Variants in PPP1R12B observed in about 807,000 individuals in gnomAD.
The protein encoded by PPP1R12B is myosin phosphatase target subunit 2.
A neutral mutation model predicts 126.1 loss-of-function variants in PPP1R12B; 76 were observed. The ratio of observed to expected loss-of-function variants is 0.60; its 90% CI spans 0.50 to 0.73. PPP1R12B has a LOEUF of 0.73. PPP1R12B is among the 30% of genes least tolerant of loss of function. PPP1R12B has a pLI of 0.00. For synonymous variants in PPP1R12B, 356 were observed against 434.7 expected, an observed-to-expected ratio of 0.82 and a Z score of 2.25; for missense variants, 1,052 against 1,205.1, an observed-to-expected ratio of 0.87 and a Z score of 1.88.
At chr1:202,456,747 C>A (rs1184400416) in intron 13 of PPP1R12B, among the ~76,000 whole-genome samples, 1 of 152,136 alleles carries the variant, frequency 6.6e-6, no homozygotes, top group African/African-American at 2.4e-5. Flanking sequence ...GTTTAGAAAT[C>A]CCAAAAGTCA....
At chr1:202,462,974 G>T in intron 13 of PPP1R12B, 1 of 985,300 alleles carries the variant, frequency 1.0e-6, no homozygotes, top group East Asian at 1.1e-4. Context: ...GTTGATCTGG[G>T]TGTTCTGGGG....
intron 1 of PPP1R12B, among the ~76,000 whole-genome samples, chr1:202,350,092 G>A (rs1050619524): frequency 1.3e-5 from 2 of 152,114 alleles, no homozygotes; most frequent in Non-Finnish European, 2.9e-5. Context: ...GAATGTATTG[G>A]CATGAGAATC....
At chr1:202,421,322 A>C (rs1354057204) in intron 2 of PPP1R12B, among the ~76,000 whole-genome samples, 2 of 147,188 alleles carry the variant, frequency 1.4e-5, no homozygotes, top group East Asian at 3.9e-4. Flanking sequence ...TTTTTTTTTA[A>C]ATCTCCTACA....
At chr1:202,457,028 G>T (rs1351999882) in intron 13 of PPP1R12B, among the ~76,000 whole-genome samples, 5 of 152,162 alleles carry the variant, frequency 3.3e-5, no homozygotes, top group Non-Finnish European at 5.9e-5. Context: ...ATTGGAATAG[G>T]TAACAAGAAT....
chr1:202,354,829 G>GT (rs749699370), intron 1 of PPP1R12B, among the ~76,000 whole-genome samples: 47,832 of 128,552 alleles, frequency 0.37, 8,964 homozygotes, highest in Middle Eastern at 0.49. Flanking sequence ...TTTTTTTGTT[G>GT]TTGTTTTTTT....
intron 18 of PPP1R12B, among the ~76,000 whole-genome samples, chr1:202,538,482 T>G (rs1038012549): frequency 1.4e-4 from 22 of 152,242 alleles, no homozygotes; most frequent in African/African-American, 5.1e-4. Context: ...AGTTGATCAC[T>G]TCCCTTGATT....
At position 202,349,211 on chromosome 1, in the gene PPP1R12B, C is replaced by T. The variant is rs532772349; in HGVS notation, c.291+69C>T. The T allele has an allele frequency of 1.9e-6, 3 of 1,564,816 alleles. No homozygotes were observed. The Admixed American group carries it at 6.0e-5, about 31-fold the overall frequency. On this transcript the variant is annotated intron_variant, in intron 1 of 23. Transcript: ENST00000608999. ...TGAGCCTTTGACCCTGCGAGCCACC[C>T]CATGGGGAGTATCAGTGTTGCCGCC... is the stretch of plus-strand genomic sequence containing the variant.
At chr1:202,580,421 C>T (rs956161433) in intron 23 of PPP1R12B, 53 bp from the exon 24 acceptor site, 8 of 1,478,878 alleles carry the variant, frequency 5.4e-6, no homozygotes, top group Non-Finnish European at 7.6e-6. Flanking sequence ...TCAGGGAGGG[C>T]CAAGGAGGAT....
intron 1 of PPP1R12B, among the ~76,000 whole-genome samples, chr1:202,411,604 T>C (rs984314513): frequency 7.9e-5 from 12 of 151,908 alleles, no homozygotes; most frequent in African/African-American, 1.5e-4. Flanking sequence ...TTTTTTTTTT[T>C]CCCCTTGAGG....
At chr1:202,466,355 A>G (rs1039334039) in intron 13 of PPP1R12B, among the ~76,000 whole-genome samples, 3 of 151,830 alleles carry the variant, frequency 2.0e-5, no homozygotes, top group Non-Finnish European at 4.4e-5. Context: ...AATGTTGACT[A>G]TTGCCTTCCT....
intron 1 of PPP1R12B, among the ~76,000 whole-genome samples, chr1:202,363,160 A>C (rs1353451361): frequency 6.6e-6 from 1 of 152,164 alleles, no homozygotes; most frequent in Non-Finnish European, 1.5e-5. Flanking sequence ...AAACAGTCAA[A>C]TGATCTGTTA....
chr1:202,430,805 T>G lies in PPP1R12B; in HGVS notation c.996T>G (p.Phe332Leu). ...ACAGCAAGATTCAGAGTGGGTTCTT[T>G]AAGAAGTAAGACATTTAGGCTTGAG... ...DLNSKIQSGF[F>L]KNKEKMLYEE... Residue 332 changes from phenylalanine (F) to leucine (L), a missense_variant, in exon 7 of 24, where the codon TTT becomes TTG. Phe to Leu is a conservative substitution (Grantham distance 22). Transcript: ENST00000608999. 1 of 1,612,072 alleles carries G rather than the reference T, an allele frequency of 6.2e-7. No homozygotes were observed. Among genetic ancestry groups the G allele is most frequent in the Non-Finnish European group, 8.5e-7 (1 of 1,178,672 alleles).
At chr1:202,540,387 G>A in intron 18 of PPP1R12B, 1 of 558,072 alleles carries the variant, frequency 1.8e-6, no homozygotes, top group East Asian at 3.4e-5. Context: ...TGCAAGTAAA[G>A]ACCCTGTAAG....
intron 12 of PPP1R12B, chr1:202,443,274 TG>T (rs10709009): frequency 0.028 from 6,883 of 243,620 alleles, 343 homozygotes; most frequent in African/African-American, 0.12. Flanking sequence ...CTGCTGCTAA[TG>T]TGGAAGAATC....
chr1:202,527,515 CAT>C (rs1389902284), intron 18 of PPP1R12B: 5 of 152,124 alleles, frequency 3.3e-5, no homozygotes, highest in Admixed American at 2.6e-4. Context: ...TTAAGATAAA[CAT>C]ATTTAAAATA....
At chr1:202,487,519 C>T (rs183976550) in intron 13 of PPP1R12B, among the ~76,000 whole-genome samples, 1 of 151,920 alleles carries the variant, frequency 6.6e-6, no homozygotes, top group Non-Finnish European at 1.5e-5. Context: ...AAATAAAATT[C>T]TCATTTTACA....
chr1:202,378,667 A>C (rs1661685062), intron 1 of PPP1R12B, among the ~76,000 whole-genome samples: 1 of 152,186 alleles, frequency 6.6e-6, no homozygotes, highest in East Asian at 1.9e-4. Flanking sequence ...TTTAGTAGAG[A>C]TGGGGTTTCA....
chr1:202,501,487 G>A (rs946841336), intron 18 of PPP1R12B, among the ~76,000 whole-genome samples: 11 of 152,198 alleles, frequency 7.2e-5, no homozygotes, highest in Non-Finnish European at 1.5e-4. Context: ...GAGGGCACAA[G>A]TGGTCAACAG....
At chr1:202,446,236 C>CTCTCTCTATATATATA (rs1491246158) in intron 12 of PPP1R12B, among the ~76,000 whole-genome samples, 3 of 88,056 alleles carry the variant, frequency 3.4e-5, no homozygotes, top group Non-Finnish European at 6.5e-5. Context: ...CTCTCTCTCT[C>CTCTCTCTATATATATA]TATATATATA....
Sources: allele counts gnomAD v4.1 joint callset (sites outside exome capture counted in the v4.1 genomes callset), GRCh38; gene constraint gnomAD v4.1.1; transcripts MANE v1.5; gene names NCBI Gene and HGNC (gene_info 2026-07-23, HGNC 2026-07-21).